PRDM15: variants seen among roughly 807,000 people sequenced by gnomAD.
PRDM15 encodes PR domain zinc finger protein 15.
A neutral mutation model predicts 128.6 loss-of-function variants in PRDM15; 64 were observed. That is an observed-to-expected ratio of 0.50 (90% CI 0.41 to 0.61). PRDM15 has a LOEUF of 0.61. PRDM15 is among the 20% of genes least tolerant of loss of function. The probability of loss-of-function intolerance (pLI) is 0.00; values close to 1 mark genes in which losing one functional copy is unlikely to be tolerated. For synonymous variants in PRDM15, 615 were observed against 621.8 expected (o/e 0.99, Z 0.16); for missense variants, 1,242 against 1,569.1 (o/e 0.79, Z 3.52).
Position 41,857,280 on chromosome 21 carries a change from C to T in PRDM15, c.181G>A (p.Glu61Lys), listed in dbSNP as rs1439857070. 8 of 1,613,962 alleles carry T rather than the reference C, an allele frequency of 5.0e-6. No homozygotes were observed. Among genetic ancestry groups the T allele is most frequent in the South Asian group, 1.1e-5 (1 of 91,072 alleles). ...AGCTGAGTGATGGCGAACACCCCCT[C>T]GGCTCCATCTTCCAGTCGTCTGATC... ...LEIRRLEDGA[E>K]GVFAITQLVK... Residue 61 changes from glutamate to lysine, a missense_variant, in exon 4 of 24, where the codon GAG (glutamate) becomes AAG (lysine). Coordinates refer to ENST00000398548, the MANE Select transcript of PRDM15 (RefSeq NM_001040424.3).
rs748556221 is a variant in PRDM15 at position 41,854,653 on chromosome 21, C to A, written c.451G>T (p.Gly151Cys). ...GCATACCACACGCGCAGCTCGGTAC[C>A]CGGGGGGATGTCTCTGGAGGTGGTG... ...YFTTSRDIPP[G>C]TELRVWYAAF... The change falls in exon 5 of 24, where the codon GGT becomes TGT. Residue 151 changes from glycine to cysteine, a missense_variant. Transcript: ENST00000398548. This position sits in a 1 kb window ranked among gnomAD's most constrained non-coding sequence, Gnocchi z 4.6. The A allele has an allele frequency of 4.3e-6, 7 of 1,613,788 alleles. No individual in the cohort carries two copies. The highest frequency in any genetic ancestry group is 5.9e-6 in the Non-Finnish European group (7 of 1,179,988).
chr21:41,874,070 GAAA>G (rs34938588), intron 1 of PRDM15, among the ~76,000 whole-genome samples: 3 of 107,674 alleles, frequency 2.8e-5, no homozygotes, highest in African/African-American at 6.8e-5. Context: ...TCTGTCTCGG[GAAA>G]AAAAAAAAAA....
At chr21:41,861,851 C>A in intron 1 of PRDM15, 1 of 1,575,002 alleles carries the variant, frequency 6.3e-7, no homozygotes, top group Non-Finnish European at 8.7e-7. Context: ...CCTTAAAATG[C>A]CAGAAATAAC....
chr21:41,824,877 T>C (rs906192777), intron 13 of PRDM15, among the ~76,000 whole-genome samples: 7 of 152,316 alleles, frequency 4.6e-5, no homozygotes, highest in African/African-American at 1.7e-4. Context: ...GGTCAAAAGC[T>C]CGGTGATGGT....
At chr21:41,815,485 G>A (rs890598304) in intron 19 of PRDM15, among the ~76,000 whole-genome samples, 2 of 152,250 alleles carry the variant, frequency 1.3e-5, no homozygotes, top group Non-Finnish European at 2.9e-5. Flanking sequence ...GAAGTGAGCT[G>A]TGCAGCATGC....
intron 1 of PRDM15, among the ~76,000 whole-genome samples, chr21:41,872,698 C>T (rs561528733): frequency 1.3e-5 from 2 of 152,274 alleles, no homozygotes; most frequent in South Asian, 4.1e-4. Context: ...ATTTTGTTTG[C>T]TACCATTGTG....
At chr21:41,838,211 AC>A (rs934729802) in intron 7 of PRDM15, 148 bp from the exon 8 acceptor site, 16 of 795,986 alleles carry the variant, frequency 2.0e-5, no homozygotes, top group Non-Finnish European at 2.9e-5. Context: ...GAAAAAAAAA[AC>A]TGTCAATATT....
At chr21:41,825,537 C>T (rs28725344) in intron 13 of PRDM15, among the ~76,000 whole-genome samples, 90,826 of 152,146 alleles carry the variant, frequency 0.6, 27,303 homozygotes, top group Admixed American at 0.67. Context: ...ACTTACAGAA[C>T]GCCAGCCATC....
chr21:41,803,646 C>T (rs374561082), intron 22 of PRDM15, among the ~76,000 whole-genome samples: 1 of 152,146 alleles, frequency 6.6e-6, no homozygotes, highest in Non-Finnish European at 1.5e-5. Flanking sequence ...CATGGTGGGA[C>T]GACCCGTCCC....
intron 3 of PRDM15, among the ~76,000 whole-genome samples, 165 bp from the exon 4 acceptor site, chr21:41,857,494 G>T (rs1386203824): frequency 6.6e-6 from 1 of 152,172 alleles, no homozygotes; most frequent in Non-Finnish European, 1.5e-5. Context: ...GGTGGCTCAC[G>T]CCTGTAATCC....
At chr21:41,803,142 T>A in intron 22 of PRDM15, 1 of 578,702 alleles carries the variant, frequency 1.7e-6, no homozygotes. Flanking sequence ...TACATGCAAG[T>A]CATATTTTTA....
Position 41,837,935 on chromosome 21 carries a change from T to G in PRDM15, c.1000A>C (p.Lys334Gln), listed in dbSNP as rs2062949321. 6.2e-7 allele frequency: 1 copy of G among 1,614,042 alleles called. No individual in the cohort carries two copies. Among genetic ancestry groups the G allele is most frequent in the South Asian group, 1.1e-5 (1 of 91,086 alleles). The change falls in exon 8 of 24, where the codon AAG becomes CAG. Residue 334 changes from lysine to glutamine, a missense_variant and splice_region_variant. Physicochemically the swap from Lys to Gln is moderately conservative, Grantham distance 53. This residue lies in a region of PRDM15 where 612 missense variants were observed against 717.0 expected (regional missense o/e 0.85). Transcript: ENST00000398548. ...CCCCAGGTGCCAGGCAGGACTTACT[T>G]TGGAACCGAGCTGGTGTCAGTGGTG... ...TTTTDTSSVP[K>Q]FTHHQNNTIT...
rs1291016676 is a variant in PRDM15 at position 41,821,532 on chromosome 21, GGAGGA to G, written c.1897-307_1897-303del. On this transcript the variant is annotated intron_variant, in intron 15 of 23. Coordinates refer to ENST00000398548, the MANE Select transcript of PRDM15 (RefSeq NM_001040424.3). This position sits in a 1 kb window ranked among gnomAD's most constrained non-coding sequence, Gnocchi z 5.4. ...CAGGCCTCAGCAGGGAGGAGGAGGG[GGAGGA>G]GAGAAGGGGAGGGGAAAAGGGGAGG... Among the ~76,000 whole-genome samples the G allele has an allele frequency of 6.6e-6, 1 of 152,188 alleles. No individual in the cohort carries two copies. Among genetic ancestry groups the G allele is most frequent in the African/African-American group, 2.4e-5 (1 of 41,446 alleles).
intron 21 of PRDM15, among the ~76,000 whole-genome samples, chr21:41,806,060 TCACCATCACCAC>T (rs2061574781): frequency 8.8e-5 from 1 of 11,350 alleles, no homozygotes; most frequent in Non-Finnish European, 1.7e-4. Context: ...ACCACCACCA[TCACCATCACCAC>T]CACCATCACC....
chr21:41,803,568 T>C (rs550588741), intron 22 of PRDM15, among the ~76,000 whole-genome samples: 1 of 152,374 alleles, frequency 6.6e-6, no homozygotes, highest in South Asian at 2.1e-4. Flanking sequence ...TTGGGCTTCC[T>C]GTGCCATTCC....
Position 41,837,592 on chromosome 21 carries a change from A to G in PRDM15, c.1001+342T>C, listed in dbSNP as rs541153195. Reference sequence around the variant, plus strand: ...AGCGTTTCAGCTTGGGAAGACGGGAAAGTTCCACAGATGGATGGGGGAGAT... The same window carrying G: ...AGCGTTTCAGCTTGGGAAGACGGGAGAGTTCCACAGATGGATGGGGGAGAT... On this transcript the variant is annotated intron_variant, in intron 8 of 23. Coordinates refer to ENST00000398548, the MANE Select transcript of PRDM15 (RefSeq NM_001040424.3). Among the ~76,000 whole-genome samples the G allele has an allele frequency of 6.6e-5, 10 of 152,302 alleles. No homozygotes were observed. The South Asian group carries it at 2.1e-3, about 32-fold the overall frequency.
rs1006366232 is a variant in PRDM15 at position 41,858,423 on chromosome 21, G to A, written c.132-1094C>T. Among the ~76,000 whole-genome samples, 12 of 151,848 alleles carry A rather than the reference G, an allele frequency of 7.9e-5. No homozygotes were observed. In the East Asian group the frequency reaches 2.3e-3, roughly 30 times the overall value. ...CAGAGGCGGACATTGGGTGCCCAGA[G>A]CACAGGCCTCTCCGACAGAGGCGGA... On this transcript the variant is annotated intron_variant, in intron 3 of 23. Coordinates refer to ENST00000398548, the MANE Select transcript of PRDM15 (RefSeq NM_001040424.3).
Position 41,801,525 on chromosome 21 carries a change from G to A in PRDM15, c.3141C>T (p.Thr1047=), listed in dbSNP as rs1365944633. The part of the protein sequence containing the change: ...DNSILTVTFD[T]VSGSAMLHNR... ...TGTGCAACATGGCAGAGCCGCTGAC[G>A]GTATCAAAGGTCACGGTCAGGATTG... The change falls in exon 24 of 24, where the codon ACC becomes ACT. Residue 1047 remains threonine, a synonymous_variant. Coordinates refer to ENST00000398548, the MANE Select transcript of PRDM15 (RefSeq NM_001040424.3). 1.2e-5 allele frequency: 20 copies of A among 1,614,204 alleles called. No homozygotes were observed. Among genetic ancestry groups the A allele is most frequent in the Non-Finnish European group, 1.6e-5 (19 of 1,180,022 alleles).
In PRDM15 at chr21:41,879,333, C is replaced by T. The variant is rs780009477; in HGVS notation, c.-73G>A. On this transcript the variant is annotated 5_prime_UTR_variant, in exon 1 of 24. Transcript: ENST00000398548. The surrounding 1 kb of genome is among the most constrained non-coding windows in gnomAD (Gnocchi z 5.1). The stretch of plus-strand genomic sequence containing the variant: ...TCCGGGTTGCGATCCGCTCCGGAAA[C>T]TGCGCAGCACCGGAAGCCGGGGGGC... 3.6e-6 allele frequency: 4 copies of T among 1,097,916 alleles called. 1 individual carries two copies. The East Asian group carries it at 2.3e-4, about 63-fold the overall frequency. 68.0% of individuals were successfully genotyped at this position (1,097,916 alleles called of 1,614,324 possible).
Sources: allele counts gnomAD v4.1 joint callset (sites outside exome capture counted in the v4.1 genomes callset), GRCh38; gene constraint gnomAD v4.1.1; regional missense constraint gnomAD v4.1.1; non-coding constraint Gnocchi (gnomAD v3.1); transcripts MANE v1.5; gene names NCBI Gene and HGNC (gene_info 2026-07-23, HGNC 2026-07-21).